Variants in APBA1 observed in about 807,000 individuals in gnomAD.
APBA1 encodes the protein amyloid beta precursor protein binding family A member 1.
APBA1 carries 55 observed loss-of-function variants against 86.6 expected under a neutral mutation model. That is an observed-to-expected ratio of 0.64 (90% CI 0.51 to 0.80). The LOEUF is 0.80. Among genes scored for constraint, APBA1 ranks in the 30% least tolerant of loss-of-function variants. APBA1 has a pLI of 0.00. For missense variants in APBA1, 1,090 were observed against 1,183.0 expected (o/e 0.92, Z 1.15); for synonymous variants, 511 against 493.9 (o/e 1.03, Z -0.46).
At chr9:69,551,552 C>CAA (rs34220920) in intron 1 of APBA1, among the ~76,000 whole-genome samples, 37 of 131,732 alleles carry the variant, frequency 2.8e-4, no homozygotes, top group Non-Finnish European at 4.0e-4. Context: ...GACTCCGCCT[C>CAA]AAAAAAAAAA....
rs375286686 is a variant in APBA1 at position 69,456,393 on chromosome 9, T to C, written c.1642A>G (p.Ile548Val). ...ACAACGATGTTCCCAATGTCCGCAA[T>C]GTAGGAAATGGTCCTCAGAGGGTGG... ...MDHPLRTISY[I>V]ADIGNIVVLM... The change falls in exon 8 of 13, where the codon ATT becomes GTT. Residue 548 changes from isoleucine (I) to valine (V), a missense_variant. Physicochemically the swap from Ile to Val is conservative, Grantham distance 29 (BLOSUM62 3). Transcript: ENST00000265381. The C allele has an allele frequency of 6.2e-7, 1 of 1,611,448 alleles. No individual in the cohort carries two copies. Among genetic ancestry groups the C allele is most frequent in the Non-Finnish European group, 8.5e-7 (1 of 1,178,570 alleles).
chr9:69,473,926 T>G (rs1297075208), intron 3 of APBA1, among the ~76,000 whole-genome samples: 1 of 152,212 alleles, frequency 6.6e-6, no homozygotes, highest in Non-Finnish European at 1.5e-5. Context: ...TTTCTAAGGA[T>G]ATATAGAAAC....
intron 1 of APBA1, among the ~76,000 whole-genome samples, chr9:69,550,140 A>G (rs144088735): frequency 3.3e-5 from 5 of 152,232 alleles, no homozygotes; most frequent in African/African-American, 9.6e-5. Context: ...ATATATTCTC[A>G]TCAGTCCTCA....
intron 4 of APBA1, 133 bp downstream of exon 4, chr9:69,471,523 T>A: frequency 1.3e-6 from 1 of 753,754 alleles, no homozygotes; most frequent in East Asian, 2.6e-5. Context: ...ATCCTAAGAC[T>A]GCTAACATTG....
chr9:69,601,067 G>C (rs1245923599), intron 1 of APBA1, among the ~76,000 whole-genome samples: 1 of 151,956 alleles, frequency 6.6e-6, no homozygotes, highest in Non-Finnish European at 1.5e-5. Context: ...TAATACAAGA[G>C]TATGTGCAGC....
intron 1 of APBA1, among the ~76,000 whole-genome samples, chr9:69,613,038 T>G (rs1338935396): frequency 3.9e-5 from 6 of 152,202 alleles, no homozygotes; most frequent in Non-Finnish European, 7.4e-5. Context: ...TCTAGCCTGT[T>G]GTCGAACATC....
At chr9:69,565,950 G>A (rs1394363103) in intron 1 of APBA1, among the ~76,000 whole-genome samples, 2 of 152,172 alleles carry the variant, frequency 1.3e-5, no homozygotes, top group Admixed American at 6.5e-5. Context: ...AGCCCTGACC[G>A]TGGCCTCAAG....
At chr9:69,471,564 T>C in intron 4 of APBA1, 92 bp downstream of exon 4, 11 of 1,058,052 alleles carry the variant, frequency 1.0e-5, no homozygotes, top group Non-Finnish European at 1.6e-5. Context: ...CTTTCTTCCC[T>C]TCCATTGTCT....
chr9:69,538,394 T>C (rs1001438683), intron 1 of APBA1, among the ~76,000 whole-genome samples: 1 of 152,218 alleles, frequency 6.6e-6, no homozygotes, highest in African/African-American at 2.4e-5. Context: ...CCCTACTGCA[T>C]CTGTAGGTGA....
chr9:69,584,417 G>A (rs1821978915), intron 1 of APBA1, among the ~76,000 whole-genome samples: 1 of 152,174 alleles, frequency 6.6e-6, no homozygotes, highest in South Asian at 2.1e-4. Context: ...CTCAATAAAT[G>A]AAGACATAAG....
At chr9:69,468,036 C>T (rs903359879) in intron 4 of APBA1, 68 bp from the exon 5 acceptor site, 55 of 1,568,176 alleles carry the variant, frequency 3.5e-5, no homozygotes, top group Non-Finnish European at 4.6e-5. Flanking sequence ...CTCAATGGCA[C>T]ATCTCCCCTC....
chr9:69,539,805 TC>T (rs1391064814), intron 1 of APBA1, among the ~76,000 whole-genome samples: 2 of 152,186 alleles, frequency 1.3e-5, no homozygotes, highest in Admixed American at 6.5e-5. Context: ...TCCTGTCTCT[TC>T]TGCATGTGTC....
At chr9:69,464,971 C>T (rs1267103343) in intron 5 of APBA1, 1 of 152,172 alleles carries the variant, frequency 6.6e-6, no homozygotes, top group Non-Finnish European at 1.5e-5. Context: ...AAAAACTAAC[C>T]TCAAGGCAAC....
intron 1 of APBA1, among the ~76,000 whole-genome samples, chr9:69,581,491 G>T (rs145239500): frequency 2.2e-3 from 335 of 152,284 alleles, no homozygotes; most frequent in Non-Finnish European, 3.6e-3. Flanking sequence ...GTTTGCGGGG[G>T]CAGAGAGTTG....
At chr9:69,441,241 C>A in intron 10 of APBA1, 126 bp from the exon 11 acceptor site, 17 of 1,131,832 alleles carry the variant, frequency 1.5e-5, no homozygotes, top group Non-Finnish European at 2.0e-5. Context: ...GCCTGCTTGC[C>A]TGCAGGCCTC....
intron 1 of APBA1, among the ~76,000 whole-genome samples, chr9:69,616,351 G>C (rs901346592): frequency 6.6e-5 from 10 of 152,146 alleles, no homozygotes; most frequent in Non-Finnish European, 1.2e-4. Flanking sequence ...TACAAAATAA[G>C]AAAACAGGCC....
At chr9:69,440,771 G>C (rs1834805308) in intron 11 of APBA1, among the ~76,000 whole-genome samples, 1 of 152,072 alleles carries the variant, frequency 6.6e-6, no homozygotes, top group Non-Finnish European at 1.5e-5. Flanking sequence ...CTCTTGCACA[G>C]TGCGCTGCAC....
chr9:69,434,494 G>A (rs914388424), intron 11 of APBA1, among the ~76,000 whole-genome samples: 1 of 152,042 alleles, frequency 6.6e-6, no homozygotes, highest in African/African-American at 2.4e-5. Context: ...GGATCACAAG[G>A]TCAGGAGTTC....
chr9:69,434,647 C>T (rs1834667815), intron 11 of APBA1, among the ~76,000 whole-genome samples: 1 of 149,934 alleles, frequency 6.7e-6, no homozygotes, highest in African/African-American at 2.5e-5. Context: ...GTGGAGGTTG[C>T]AGTGAGCCGA....
Sources: allele counts gnomAD v4.1 joint callset (sites outside exome capture counted in the v4.1 genomes callset), GRCh38; gene constraint gnomAD v4.1.1; transcripts MANE v1.5; gene names NCBI Gene and HGNC (gene_info 2026-07-23, HGNC 2026-07-21).